Variants in CEP350 observed in about 807,000 individuals in gnomAD.
CEP350 encodes the protein centrosome-associated protein 350.
A neutral mutation model predicts 331.8 loss-of-function variants in CEP350; 126 were observed. The ratio of observed to expected loss-of-function variants is 0.38; its 90% CI spans 0.33 to 0.44. The LOEUF (loss-of-function observed/expected upper bound fraction) is 0.44, where lower values mean the gene tolerates loss of function less well. CEP350 is among the 20% of genes least tolerant of loss of function. The pLI is 1.00. For synonymous variants in CEP350, 1,200 were observed against 1,259.5 expected (o/e 0.95, Z 1.00); for missense variants, 3,406 against 3,634.6 (o/e 0.94, Z 1.62).
chr1:180,078,892 A>G lies in CEP350; in HGVS notation c.5979+218A>G, dbSNP rs942153655. 7.9e-5 allele frequency among the ~76,000 whole-genome samples: 12 copies of G among 152,204 alleles called. No homozygotes were observed. The South Asian group carries it at 1.9e-3, about 24-fold the overall frequency. ...AAATCATTTGCTATCAAGTCTGTGA[A>G]TATTGAGGGAATAGGAACTTCTAAA... On this transcript the variant is annotated intron_variant, in intron 29 of 37. Coordinates refer to ENST00000367607, the MANE Select transcript of CEP350 (RefSeq NM_014810.5).
chr1:179,963,054 A>G (rs2148545724), intron 1 of CEP350, among the ~76,000 whole-genome samples: 1 of 152,142 alleles, frequency 6.6e-6, no homozygotes, highest in African/African-American at 2.4e-5. Context: ...TATTTTATTG[A>G]TGATTAGTGA....
intron 17 of CEP350, among the ~76,000 whole-genome samples, chr1:180,039,033 A>G (rs533573522): frequency 2.2e-4 from 32 of 147,278 alleles, no homozygotes; most frequent in African/African-American, 8.0e-4. Flanking sequence ...CTGGGGCAAC[A>G]TGGCGAAATC....
At chr1:180,073,159 A>G (rs16855270) in intron 27 of CEP350, among the ~76,000 whole-genome samples, 22,957 of 151,926 alleles carry the variant, frequency 0.15, 1,886 homozygotes, top group African/African-American at 0.2. Flanking sequence ...TATAGAATGG[A>G]TAGTGTATTT....
At chr1:180,090,557 A>AAAAAAGAAAAAG (rs1553265978) in intron 32 of CEP350, among the ~76,000 whole-genome samples, 157 bp from the exon 33 acceptor site, 3 of 92,310 alleles carry the variant, frequency 3.2e-5, no homozygotes, top group Non-Finnish European at 6.7e-5. Flanking sequence ...AAAAAAAAAA[A>AAAAAAGAAAAAG]AAAAAAAAAA....
chr1:180,081,421 T>C (rs1052549887), intron 30 of CEP350, among the ~76,000 whole-genome samples: 1 of 152,248 alleles, frequency 6.6e-6, no homozygotes, highest in East Asian at 1.9e-4. Flanking sequence ...GTTTCCCTAG[T>C]GATGGCTATT....
At chr1:180,007,857 TG>T (rs1423809853) in intron 8 of CEP350, among the ~76,000 whole-genome samples, 4 of 151,222 alleles carry the variant, frequency 2.6e-5, no homozygotes, top group African/African-American at 9.7e-5. Flanking sequence ...TGTGTGTGTG[TG>T]TGTGTGTGTG....
intron 3 of CEP350, among the ~76,000 whole-genome samples, chr1:179,989,622 T>C (rs1273619026): frequency 6.6e-6 from 1 of 152,224 alleles, no homozygotes; most frequent in East Asian, 1.9e-4. Flanking sequence ...TGTAATACTT[T>C]ACCATTTAGG....
intron 5 of CEP350, among the ~76,000 whole-genome samples, chr1:179,994,002 GTCTA>G (rs1653288171): frequency 1.3e-5 from 2 of 152,058 alleles, no homozygotes; most frequent in Admixed American, 6.5e-5. Flanking sequence ...CTGCCCATTA[GTCTA>G]TCTAAGGATG....
rs143795875 is a variant in CEP350, at chr1:180,029,943, A to C, written c.3551-1377A>C. On this transcript the variant is annotated intron_variant, in intron 14 of 37. Transcript: ENST00000367607. The stretch of plus-strand genomic sequence containing the variant: ...TGTCCTTTTGTGACTGGCTTATTTC[A>C]CTTAGCATAATGTCTTCAAGGTTCA... 2.8e-3 allele frequency among the ~76,000 whole-genome samples: 431 copies of C among 152,020 alleles called. 2 individuals are homozygous for C. Among genetic ancestry groups the C allele is most frequent in the Non-Finnish European group, 4.8e-3 (329 of 67,968 alleles).
chr1:179,971,251 A>C (rs1433755651), intron 1 of CEP350, among the ~76,000 whole-genome samples: 1 of 151,426 alleles, frequency 6.6e-6, no homozygotes, highest in Non-Finnish European at 1.5e-5. Flanking sequence ...CTGGTCTCGA[A>C]CTCCTGACTG....
In CEP350 at chr1:180,094,145, T is replaced by C; in HGVS notation, c.8040T>C (p.Ala2680=). 6.2e-7 allele frequency: 1 copy of C among 1,613,710 alleles called. No individual in the cohort carries two copies. Among genetic ancestry groups the C allele is most frequent in the Non-Finnish European group, 8.5e-7 (1 of 1,179,760 alleles). Residue 2680 remains alanine, a synonymous_variant, in exon 34 of 38, where the codon GCT becomes GCC. Transcript: ENST00000367607. ...ISDATEKVSI[A]AEDDTLDNTF... is the part of the protein sequence containing the mutation. ...ATGCCACAGAAAAGGTTTCCATCGC[T>C]GCAGAAGATGACACTTTAGACAATA...
intron 10 of CEP350, 132 bp from the exon 11 acceptor site, chr1:180,015,717 T>C (rs1654930170): frequency 8.9e-7 from 1 of 1,121,616 alleles, no homozygotes; most frequent in Non-Finnish European, 1.2e-6. Flanking sequence ...TTAATTGGTT[T>C]TGTTTGACAA....
Position 180,075,034 on chromosome 1 carries a change from G to A in CEP350, c.5580G>A (p.Lys1860=). The change falls in exon 28 of 38, where the codon AAG becomes AAA. Residue 1860 remains lysine (K), a synonymous_variant. Coordinates refer to ENST00000367607, the MANE Select transcript of CEP350 (RefSeq NM_014810.5). ...GGTGTGACCATAGGTTTCTGACAAAGCGGGAGCAAAAATTAATGCAACGGC... is the reference window on the plus strand; with the variant it reads ...GGTGTGACCATAGGTTTCTGACAAAACGGGAGCAAAAATTAATGCAACGGC... The part of the protein sequence containing the change: ...RSRMDEKFLT[K]REQKLMQRRQ... 1 of 1,610,830 alleles carries A rather than the reference G, an allele frequency of 6.2e-7. No individual in the cohort carries two copies. The highest frequency in any genetic ancestry group is 1.7e-4 in the Middle Eastern group (1 of 6,050).
chr1:179,980,612 C>G (rs977975501), intron 1 of CEP350, among the ~76,000 whole-genome samples: 3 of 151,970 alleles, frequency 2.0e-5, no homozygotes, highest in Non-Finnish European at 4.4e-5. Flanking sequence ...GCATCCTTGT[C>G]TTGTTTCAGA....
intron 1 of CEP350, among the ~76,000 whole-genome samples, chr1:179,973,574 C>A (rs1651617375): frequency 6.6e-6 from 1 of 152,104 alleles, no homozygotes; most frequent in African/African-American, 2.4e-5. Context: ...ATCTTTTACT[C>A]CAGTTTTCTG....
chr1:180,039,151 G>C (rs1362074797), intron 17 of CEP350, among the ~76,000 whole-genome samples: 1 of 151,500 alleles, frequency 6.6e-6, no homozygotes, highest in Non-Finnish European at 1.5e-5. Flanking sequence ...GGTGGTGGTA[G>C]CGGTTGGCTA....
chr1:180,080,448 G>A lies in CEP350; in HGVS notation c.5980-69G>A, dbSNP rs1659497561. ...AATGTTATCTTTATATGGCTAGTATGTCAAATTTTAAATAGAATTTTACAA... is the reference window on the plus strand; with the variant it reads ...AATGTTATCTTTATATGGCTAGTATATCAAATTTTAAATAGAATTTTACAA... On this transcript the variant is annotated intron_variant, in intron 29 of 37. Transcript: ENST00000367607. 4.2e-6 allele frequency: 6 copies of A among 1,414,180 alleles called. No homozygotes were observed. In the South Asian group the frequency reaches 6.0e-5, roughly 14 times the overall value. The allele number at this position is 1,414,180 out of a possible 1,614,324, so 87.6% of individuals were successfully genotyped here.
chr1:180,033,944 G>A lies in CEP350; in HGVS notation c.3808G>A (p.Val1270Ile), dbSNP rs762797190. The change falls in exon 16 of 38, where the codon GTT becomes ATT. Residue 1270 changes from valine (V) to isoleucine (I), a missense_variant. Transcript: ENST00000367607. The stretch of plus-strand genomic sequence containing the variant: ...TTCCCAGAAATCATTGCAGTTTGAC[G>A]TTGCAGGAACTTCTTCAGAAAGATC... ...PSSQKSLQFD[V>I]AGTSSERSKS... is the part of the protein sequence containing the mutation. The A allele has an allele frequency of 4.6e-5, 74 of 1,613,694 alleles. No individual in the cohort carries two copies. The highest frequency in any genetic ancestry group is 5.6e-5 in the Non-Finnish European group (66 of 1,179,818).
intron 36 of CEP350, among the ~76,000 whole-genome samples, chr1:180,098,382 C>T (rs1360062897): frequency 6.6e-6 from 1 of 152,056 alleles, no homozygotes; most frequent in African/African-American, 2.4e-5. Flanking sequence ...GCTTTGTCAC[C>T]TAGGCTGGAG....
Sources: allele counts gnomAD v4.1 joint callset (sites outside exome capture counted in the v4.1 genomes callset), GRCh38; gene constraint gnomAD v4.1.1; transcripts MANE v1.5; gene names NCBI Gene and HGNC (gene_info 2026-07-23, HGNC 2026-07-21).